GART: variants seen among roughly 807,000 people sequenced by gnomAD.
The protein encoded by GART is phosphoribosylglycinamide formyltransferase, phosphoribosylglycinamide synthetase, phosphoribosylaminoimidazole synthetase.
GART carries 43 observed loss-of-function variants against 107.2 expected under a neutral mutation model. The observed-to-expected ratio is 0.40, with a 90% confidence interval of 0.31 to 0.52. GART has a LOEUF of 0.52. GART is among the 20% of genes least tolerant of loss of function. The pLI is 0.52. For missense variants in GART, 1,107 were observed against 1,206.5 expected, an observed-to-expected ratio of 0.92 and a Z score of 1.22; for synonymous variants, 434 against 427.0, an observed-to-expected ratio of 1.02 and a Z score of -0.20.
chr21:33,506,140 A>C, intron 18 of GART, 36 bp from the exon 19 acceptor site: 1 of 1,572,644 alleles, frequency 6.4e-7, no homozygotes, highest in Non-Finnish European at 8.6e-7. Context: ...AGCTCATACT[A>C]CTACTTCTTT....
chr21:33,524,645 G>T, intron 11 of GART, 124 bp downstream of exon 11: 1 of 1,472,948 alleles, frequency 6.8e-7, no homozygotes, highest in Non-Finnish European at 9.0e-7. Context: ...TACAAACCAA[G>T]ACTGTATCAC....
chr21:33,511,323 T>C lies in GART; in HGVS notation c.2243A>G (p.Gln748Arg), dbSNP rs2084781264. 1 of 1,614,212 alleles carries C rather than the reference T, an allele frequency of 6.2e-7. No individual in the cohort carries two copies. Among genetic ancestry groups the C allele is most frequent in the Non-Finnish European group, 8.5e-7 (1 of 1,180,032 alleles). The change falls in exon 17 of 22, where the codon CAG becomes CGG. Residue 748 changes from glutamine (Q) to arginine (R), a missense_variant. Transcript: ENST00000381815. The stretch of plus-strand genomic sequence containing the variant: ...GTGCTGCTGGATATCCCTCAGAATC[T>C]GCTCTGTCTGCTCCTTTGATACCAC... The part of the protein sequence containing the change: ...VLVVSKEQTE[Q>R]ILRDIQQHKE...
chr21:33,508,850 T>C (rs981118658), intron 18 of GART, among the ~76,000 whole-genome samples: 2 of 152,172 alleles, frequency 1.3e-5, no homozygotes, highest in Non-Finnish European at 2.9e-5. Context: ...ATGTACCCAC[T>C]GTTTAGCTCC....
At chr21:33,514,623 T>A (rs2084844510) in intron 16 of GART, among the ~76,000 whole-genome samples, 1 of 152,192 alleles carries the variant, frequency 6.6e-6, no homozygotes, top group South Asian at 2.1e-4. Flanking sequence ...AGCAGGCCAC[T>A]GTTTTTTAAC....
intron 16 of GART, among the ~76,000 whole-genome samples, chr21:33,513,433 G>C (rs958111287): frequency 1.3e-5 from 2 of 152,124 alleles, no homozygotes; most frequent in African/African-American, 4.8e-5. Context: ...AGCTGGGCGT[G>C]GAGACGCACA....
rs1407809194 is a variant in GART, at chr21:33,522,168, C to G, written c.1393+20G>C. The G allele has an allele frequency of 6.4e-7, 1 of 1,569,728 alleles. No individual in the cohort carries two copies. Among genetic ancestry groups the G allele is most frequent in the Non-Finnish European group, 8.8e-7 (1 of 1,140,902 alleles). The stretch of plus-strand genomic sequence containing the variant: ...ATGTATATCAAAGTTAATGAATTAG[C>G]AAAGTATAGGATCACTGACCTGATC... On this transcript the variant is annotated intron_variant, in intron 12 of 21. Transcript: ENST00000381815.
At chr21:33,516,246 TAAAAAAAAAAAAA>T (rs11321647) in intron 16 of GART, among the ~76,000 whole-genome samples, 2 of 95,196 alleles carry the variant, frequency 2.1e-5, no homozygotes, top group East Asian at 3.2e-4. Context: ...AGACTCTGTC[TAAAAAAAAAAAAA>T]AAAAAAAAAG....
chr21:33,538,782 ATATTT>A (rs1176464717), intron 2 of GART, among the ~76,000 whole-genome samples: 2 of 152,216 alleles, frequency 1.3e-5, no homozygotes, highest in South Asian at 2.1e-4. Flanking sequence ...ATAGTAGTCT[ATATTT>A]TATTTTATTT....
intron 7 of GART, chr21:33,529,450 C>CT (rs764127494): frequency 0.02 from 2,493 of 125,872 alleles, 63 homozygotes; most frequent in South Asian, 0.059. Context: ...TATGTTTAAT[C>CT]TTTTTTTTTT....
chr21:33,505,620 A>G lies in GART; in HGVS notation c.2666T>C (p.Ile889Thr). The G allele has an allele frequency of 6.2e-7, 1 of 1,612,652 alleles. No homozygotes were observed. The highest frequency in any genetic ancestry group is 8.5e-7 in the Non-Finnish European group (1 of 1,179,192). ...TCTCATGAATCCTGCAAGACAGACTATGTCTATGGAGAACTCTTCAAGGAC... is the reference window on the plus strand; with the variant it reads ...TCTCATGAATCCTGCAAGACAGACTGTGTCTATGGAGAACTCTTCAAGGAC... ...DLVLEEFSID[I>T]VCLAGFMRIL... The change falls in exon 20 of 22, where the codon ATA (isoleucine) becomes ACA (threonine). Residue 889 changes from isoleucine to threonine, a missense_variant. Transcript: ENST00000381815.
intron 19 of GART, 52 bp from the exon 20 acceptor site, chr21:33,505,754 A>G (rs767153846): frequency 6.7e-7 from 1 of 1,498,626 alleles, no homozygotes; most frequent in South Asian, 1.3e-5. Flanking sequence ...ACCAAAAATA[A>G]TTAAAAACTC....
At chr21:33,517,772 C>G (rs529491114) in intron 14 of GART, among the ~76,000 whole-genome samples, 164 bp from the exon 15 acceptor site, 1 of 152,324 alleles carries the variant, frequency 6.6e-6, no homozygotes, top group Non-Finnish European at 1.5e-5. Context: ...TTCCACCAAG[C>G]ATGATTTCAG....
chr21:33,537,864 T>C (rs2085333248), intron 2 of GART, among the ~76,000 whole-genome samples: 1 of 152,212 alleles, frequency 6.6e-6, no homozygotes, highest in Non-Finnish European at 1.5e-5. Context: ...CTGAGTATTA[T>C]TAGAATACTG....
chr21:33,513,831 CA>C (rs1210374197), intron 16 of GART, among the ~76,000 whole-genome samples: 6 of 152,090 alleles, frequency 3.9e-5, no homozygotes, highest in Non-Finnish European at 7.4e-5. Context: ...AATGGCAGGG[CA>C]AGTAGCAGAT....
chr21:33,507,664 C>T (rs1321595028), intron 18 of GART, among the ~76,000 whole-genome samples: 2 of 152,046 alleles, frequency 1.3e-5, no homozygotes, highest in East Asian at 3.9e-4. Context: ...AACCCCATCT[C>T]TACTAAAAAT....
intron 1 of GART, among the ~76,000 whole-genome samples, chr21:33,541,133 G>A (rs770935817): frequency 1.3e-4 from 20 of 152,094 alleles, no homozygotes; most frequent in Non-Finnish European, 2.4e-4. Context: ...GAAATAAACA[G>A]ATTTTTTATT....
chr21:33,517,311 G>A, intron 15 of GART, 46 bp downstream of exon 15: 1 of 1,609,128 alleles, frequency 6.2e-7, no homozygotes, highest in Non-Finnish European at 8.5e-7. Flanking sequence ...CTAAATGCTT[G>A]CTCAGGCATT....
At chr21:33,531,316 C>T (rs1416355215) in intron 6 of GART, 173 bp downstream of exon 6, 6 of 639,974 alleles carry the variant, frequency 9.4e-6, no homozygotes, top group Non-Finnish European at 1.4e-5. Flanking sequence ...AACAGAGGAT[C>T]GATTATTTTT....
intron 11 of GART, chr21:33,524,489 TA>T: frequency 1.2e-6 from 1 of 830,750 alleles, no homozygotes; most frequent in Non-Finnish European, 1.5e-6. Context: ...AAGACCCTGT[TA>T]AAAAAATTAA....
Sources: gnomAD v4.1 joint callset for allele counts (sites outside exome capture counted in the v4.1 genomes callset) on GRCh38, gnomAD v4.1.1 for gene constraint, MANE v1.5 for transcripts, NCBI Gene and HGNC (gene_info 2026-07-23, HGNC 2026-07-21) for gene names.